Variants in DLG1 observed in about 807,000 individuals in gnomAD.
The protein encoded by DLG1 is disks large homolog 1.
DLG1 carries 42 observed loss-of-function variants against 123.4 expected under a neutral mutation model. The observed-to-expected ratio is 0.34, with a 90% CI of 0.27 to 0.44. The LOEUF (loss-of-function observed/expected upper bound fraction) is 0.44, where lower values mean the gene tolerates loss of function less well. Among genes scored for constraint, DLG1 ranks in the 20% least tolerant of loss-of-function variants. The pLI, the probability that DLG1 is intolerant of heterozygous loss-of-function variation, is 1.00. For missense variants in DLG1, 942 were observed against 1,082.6 expected (o/e 0.87, Z 1.82); for synonymous variants, 317 against 356.2 (o/e 0.89, Z 1.24).
chr3:197,044,766 A>G (rs768433687), intron 24 of DLG1, 37 bp from the exon 25 acceptor site: 11 of 1,333,932 alleles, frequency 8.2e-6, no homozygotes, highest in South Asian at 1.4e-5. Context: ...ATCTCCATTA[A>G]TTGTCTATTT....
At chr3:197,201,997 TGG>T (rs1725993463) in intron 4 of DLG1, among the ~76,000 whole-genome samples, 1 of 127,500 alleles carries the variant, frequency 7.8e-6, no homozygotes, top group Non-Finnish European at 1.6e-5. Flanking sequence ...CTTGCAGGGG[TGG>T]AGGGGTGGGA....
intron 5 of DLG1, among the ~76,000 whole-genome samples, chr3:197,157,346 C>T (rs1206266208): frequency 6.6e-6 from 1 of 152,136 alleles, no homozygotes; most frequent in Non-Finnish European, 1.5e-5. Context: ...GATACAAAGT[C>T]AATACACAAA....
At chr3:197,100,486 CTT>C (rs1003875462) in intron 14 of DLG1, among the ~76,000 whole-genome samples, 3 of 152,016 alleles carry the variant, frequency 2.0e-5, no homozygotes, top group African/African-American at 7.3e-5. Flanking sequence ...ATAAATTTAA[CTT>C]ATATATTGAG....
chr3:197,094,724 G>T (rs1036580006), intron 14 of DLG1, among the ~76,000 whole-genome samples: 1 of 152,044 alleles, frequency 6.6e-6, no homozygotes, highest in African/African-American at 2.4e-5. Flanking sequence ...CTCACCCCAG[G>T]AAGTGTTTAT....
chr3:197,194,675 A>G (rs1721461095), intron 4 of DLG1, 86 bp from the exon 5 acceptor site: 3 of 800,374 alleles, frequency 3.7e-6, no homozygotes, highest in Non-Finnish European at 5.8e-6. Flanking sequence ...CCAAATACTC[A>G]ATATTTAGCA....
At chr3:197,107,114 A>T (rs1267375098) in intron 13 of DLG1, among the ~76,000 whole-genome samples, 1 of 152,222 alleles carries the variant, frequency 6.6e-6, no homozygotes, top group Non-Finnish European at 1.5e-5. Context: ...TATTTCAAAT[A>T]AACGGGATAT....
At chr3:197,044,759 T>G in intron 24 of DLG1, 30 bp from the exon 25 acceptor site, 3 of 1,366,284 alleles carry the variant, frequency 2.2e-6, no homozygotes, top group Non-Finnish European at 3.0e-6. Context: ...ATCAGAAATC[T>G]CCATTAATTG....
At chr3:197,050,431 T>C (rs1029600738) in intron 24 of DLG1, among the ~76,000 whole-genome samples, 3 of 151,684 alleles carry the variant, frequency 2.0e-5, no homozygotes, top group African/African-American at 7.3e-5. Flanking sequence ...CAAATATATA[T>C]ATATATGTAT....
chr3:197,174,821 G>A (rs1868891), intron 5 of DLG1, among the ~76,000 whole-genome samples: 36,730 of 151,998 alleles, frequency 0.24, 5,629 homozygotes, highest in East Asian at 0.72. Context: ...TTAAACACCA[G>A]GTTATAATCC....
chr3:197,144,378 C>T (rs1056249286), intron 6 of DLG1, among the ~76,000 whole-genome samples: 1 of 152,170 alleles, frequency 6.6e-6, no homozygotes, highest in Non-Finnish European at 1.5e-5. Context: ...GCCCCAGCTA[C>T]ACTCCTAACC....
chr3:197,180,067 T>TTG (rs1491312070), intron 5 of DLG1, among the ~76,000 whole-genome samples: 14 of 87,814 alleles, frequency 1.6e-4, no homozygotes, highest in South Asian at 4.6e-4. Context: ...GTTTTTTTTT[T>TTG]GGGGGGGGGG....
intron 4 of DLG1, 56 bp downstream of exon 4, chr3:197,282,623 T>C: frequency 8.8e-7 from 1 of 1,136,772 alleles, no homozygotes; most frequent in Non-Finnish European, 1.2e-6. Context: ...AGAAACATAG[T>C]AACATAAATA....
chr3:197,176,621 T>C (rs1807235552), intron 5 of DLG1, among the ~76,000 whole-genome samples: 1 of 152,172 alleles, frequency 6.6e-6, no homozygotes, highest in Admixed American at 6.5e-5. Context: ...CCTCCATGTC[T>C]TTTCATGGCT....
At chr3:197,298,769 C>A, upstream of DLG1, 4 of 395,264 alleles carry the variant, frequency 1.0e-5, no homozygotes, top group Non-Finnish European at 1.8e-5. Context: ...AGTTACTCTT[C>A]GTCCCTTAGT....
At chr3:197,091,532 TAAAC>T (rs950933915) in intron 14 of DLG1, among the ~76,000 whole-genome samples, 10 of 152,106 alleles carry the variant, frequency 6.6e-5, no homozygotes, top group East Asian at 3.9e-4. Flanking sequence ...AAACAAGTGA[TAAAC>T]AAAATTTATT....
intron 4 of DLG1, among the ~76,000 whole-genome samples, chr3:197,238,555 T>C (rs1484050393): frequency 6.6e-6 from 1 of 152,146 alleles, no homozygotes; most frequent in African/African-American, 2.4e-5. Flanking sequence ...AAGTGAAAAG[T>C]GAATACAGCC....
rs551459051 is a variant in DLG1 at position 197,117,232 on chromosome 3, G to T, written c.1287-1149C>A. Among the ~76,000 whole-genome samples, 7 of 152,320 alleles carry T rather than the reference G, an allele frequency of 4.6e-5. No individual in the cohort carries two copies. In the East Asian group the frequency reaches 1.2e-3, roughly 25 times the overall value. ...AAGAAATTGCAACTCACACATTACT[G>T]ATGAGAATATAAAACGGTGCAGGCA... On this transcript the variant is annotated intron_variant, in intron 12 of 24. Coordinates refer to ENST00000667157, the MANE Select transcript of DLG1 (RefSeq NM_001366207.1).
rs566610682 is a variant in DLG1, at chr3:197,044,537, T to C, written c.*86A>G. 51 of 804,174 alleles carry C rather than the reference T, an allele frequency of 6.3e-5. 1 individual carries two copies. The Admixed American group carries it at 9.2e-4, about 14-fold the overall frequency. The allele number at this position is 804,174 out of a possible 1,614,324, so 49.8% of individuals were successfully genotyped here. On this transcript the variant is annotated 3_prime_UTR_variant, in exon 25 of 25. Coordinates refer to ENST00000667157, the MANE Select transcript of DLG1 (RefSeq NM_001366207.1). ...GGGATACAATTCAACATGAAATCAG[T>C]ACTCAAGAAAGACTCCAGAGGAAAG...
chr3:197,093,317 C>T (rs1027086141), intron 14 of DLG1, among the ~76,000 whole-genome samples: 4 of 152,116 alleles, frequency 2.6e-5, no homozygotes, highest in Non-Finnish European at 5.9e-5. Flanking sequence ...CGCTAACATG[C>T]CCAGCTAATT....
Sources: gnomAD v4.1 joint callset for allele counts (sites outside exome capture counted in the v4.1 genomes callset) on GRCh38, gnomAD v4.1.1 for gene constraint, MANE v1.5 for transcripts, NCBI Gene and HGNC (gene_info 2026-07-23, HGNC 2026-07-21) for gene names.